C10orf67: variants seen among roughly 807,000 people sequenced by gnomAD.
C10orf67 encodes the protein chromosome 10 open reading frame 67, also known as uncharacterized protein C10orf67, mitochondrial.
A neutral mutation model predicts 35.6 loss-of-function variants in C10orf67; 60 were observed. That is an observed-to-expected ratio of 1.68 (90% confidence interval 1.37 to 2.09). The LOEUF (loss-of-function observed/expected upper bound fraction) is 2.09. C10orf67 is among the 30% of genes most tolerant of loss of function. C10orf67 has a pLI of 0.00. For missense variants in C10orf67, 474 were observed against 330.2 expected (o/e 1.44, Z -3.38); for synonymous variants, 167 against 115.8 (o/e 1.44, Z -2.84).
chr10:23,210,747 T>G (rs960039303), intron 15 of C10orf67, among the ~76,000 whole-genome samples: 2 of 152,192 alleles, frequency 1.3e-5, no homozygotes, highest in African/African-American at 4.8e-5. Context: ...ATCAAACATA[T>G]AGAGATCACT....
At chr10:23,295,967 G>A (rs924996095) in intron 5 of C10orf67, among the ~76,000 whole-genome samples, 1 of 152,122 alleles carries the variant, frequency 6.6e-6, no homozygotes, top group African/African-American at 2.4e-5. Context: ...ATTTAAACCA[G>A]TTTAAATACG....
At chr10:23,240,698 C>A (rs1842158560) in intron 12 of C10orf67, among the ~76,000 whole-genome samples, 1 of 152,158 alleles carries the variant, frequency 6.6e-6, no homozygotes, top group African/African-American at 2.4e-5. Context: ...AAAATGACAG[C>A]ATTTACTCAC....
intron 5 of C10orf67, among the ~76,000 whole-genome samples, chr10:23,295,650 C>T (rs746089660): frequency 4.6e-5 from 7 of 151,896 alleles, no homozygotes; most frequent in African/African-American, 1.7e-4. Context: ...TCAAAATTGC[C>T]TTGCCACATC....
intron 10 of C10orf67, among the ~76,000 whole-genome samples, chr10:23,264,153 G>A (rs1006632914): frequency 5.9e-5 from 9 of 152,176 alleles, no homozygotes; most frequent in Non-Finnish European, 1.3e-4. Context: ...CCTCCATGGA[G>A]TTAAATATTT....
In C10orf67 at chr10:23,289,974, G is replaced by A; in HGVS notation, c.851-16C>T. ...AGTTCATCTTCTGTAAACAAAAGGA[G>A]AGAGAGGCCAACCATGAAATTACAT... On this transcript the variant is annotated splice_polypyrimidine_tract_variant and intron_variant, in intron 6 of 15. Coordinates refer to ENST00000636213, the MANE Select transcript of C10orf67 (RefSeq NM_001371909.1). The A allele has an allele frequency of 1.4e-6, 1 of 716,196 alleles. No individual in the cohort carries two copies. Among genetic ancestry groups the A allele is most frequent in the Non-Finnish European group, 2.6e-6 (1 of 384,514 alleles). 44.4% of individuals were successfully genotyped at this position (716,196 alleles called of 1,614,324 possible). A position where few individuals can be genotyped will look rare whatever the true frequency, so the allele number is the denominator to read the frequency against.
intron 15 of C10orf67, among the ~76,000 whole-genome samples, chr10:23,211,645 T>C (rs1294927523): frequency 2.0e-5 from 3 of 152,196 alleles, no homozygotes; most frequent in Non-Finnish European, 2.9e-5. Flanking sequence ...ATGTATGCTT[T>C]GGATATGTGG....
At chr10:23,251,952 AT>A (rs1398598448) in intron 10 of C10orf67, among the ~76,000 whole-genome samples, 1 of 152,194 alleles carries the variant, frequency 6.6e-6, no homozygotes, top group East Asian at 1.9e-4. Flanking sequence ...AATTTAGATA[AT>A]TCAGTATTTA....
chr10:23,318,909 T>A, intron 4 of C10orf67: 1 of 777,708 alleles, frequency 1.3e-6, no homozygotes, highest in Non-Finnish European at 2.4e-6. Flanking sequence ...AATGTTTGGT[T>A]TCACAGTGGC....
intron 5 of C10orf67, among the ~76,000 whole-genome samples, chr10:23,300,107 G>T (rs528669149): frequency 6.6e-6 from 1 of 152,064 alleles, no homozygotes; most frequent in Non-Finnish European, 1.5e-5. Context: ...CTTGCCCCAG[G>T]CACCCTCAGT....
At chr10:23,216,384 A>G (rs77570042) in intron 15 of C10orf67, among the ~76,000 whole-genome samples, 9 of 152,204 alleles carry the variant, frequency 5.9e-5, no homozygotes, top group African/African-American at 2.2e-4. Flanking sequence ...AAATGGAACA[A>G]TACAAACTCA....
At chr10:23,325,475 TA>T (rs34980652) in intron 2 of C10orf67, among the ~76,000 whole-genome samples, 53,725 of 105,902 alleles carry the variant, frequency 0.51, 10,856 homozygotes, top group Admixed American at 0.55. Flanking sequence ...TTTGGGCTGC[TA>T]AAAAAAAAAA....
intron 8 of C10orf67, among the ~76,000 whole-genome samples, chr10:23,279,751 A>G (rs1228065039): frequency 2.0e-5 from 3 of 152,096 alleles, no homozygotes; most frequent in Non-Finnish European, 4.4e-5. Context: ...AGCCATTCTA[A>G]GGATACAATC....
chr10:23,205,382 A>G (rs757040943), intron 15 of C10orf67, among the ~76,000 whole-genome samples: 39 of 152,242 alleles, frequency 2.6e-4, no homozygotes, highest in Non-Finnish European at 4.9e-4. Flanking sequence ...TTCAGCCCTT[A>G]TGAACTTGAA....
chr10:23,227,022 C>A (rs1841760745), intron 13 of C10orf67, among the ~76,000 whole-genome samples: 3 of 152,150 alleles, frequency 2.0e-5, no homozygotes, highest in Admixed American at 2.0e-4. Flanking sequence ...CAAGGAGGAG[C>A]TGGAACCATT....
At chr10:23,302,529 C>T (rs1844116797) in intron 5 of C10orf67, among the ~76,000 whole-genome samples, 1 of 152,176 alleles carries the variant, frequency 6.6e-6, no homozygotes, top group Admixed American at 6.5e-5. Context: ...ACTTTTATTC[C>T]TCCTGGGTCC....
chr10:23,340,349 C>CAAAAAAAAAA (rs34098221), intron 1 of C10orf67, among the ~76,000 whole-genome samples: 3 of 118,608 alleles, frequency 2.5e-5, no homozygotes, highest in African/African-American at 9.8e-5. Context: ...TACAAAAATA[C>CAAAAAAAAAA]AAAAAAAAAA....
At chr10:23,340,554 A>C (rs1344335092) in intron 1 of C10orf67, among the ~76,000 whole-genome samples, 1 of 152,136 alleles carries the variant, frequency 6.6e-6, no homozygotes, top group African/African-American at 2.4e-5. Context: ...GATGAGGATA[A>C]GCCCATGACT....
At chr10:23,299,748 C>A (rs555141128) in intron 5 of C10orf67, among the ~76,000 whole-genome samples, 1 of 151,966 alleles carries the variant, frequency 6.6e-6, no homozygotes, top group African/African-American at 2.4e-5. Context: ...GAGGCTGAGG[C>A]GGGCGAATCA....
At chr10:23,336,891 G>A (rs1470026860) in intron 1 of C10orf67, among the ~76,000 whole-genome samples, 1 of 151,990 alleles carries the variant, frequency 6.6e-6, no homozygotes, top group Non-Finnish European at 1.5e-5. Context: ...TCCAAGATTG[G>A]AATAAAAGTA....
Sources: gnomAD v4.1 joint callset for allele counts (sites outside exome capture counted in the v4.1 genomes callset) on GRCh38, gnomAD v4.1.1 for gene constraint, MANE v1.5 for transcripts, NCBI Gene and HGNC (gene_info 2026-07-23, HGNC 2026-07-21) for gene names.